The following BORCS5 variants were observed in gnomAD, a reference collection of about 807,000 sequenced individuals.
BORCS5 encodes the protein BLOC-1-related complex subunit 5.
Under a neutral mutation model 22.1 loss-of-function variants are expected in BORCS5, and 17 were observed. The ratio of observed to expected loss-of-function variants is 0.77; its 90% CI spans 0.53 to 1.15. The LOEUF (loss-of-function observed/expected upper bound fraction) is 1.15. BORCS5 is among the 50% of genes most tolerant of loss of function. BORCS5 has a pLI of 0.00. For missense variants in BORCS5, 247 were observed against 253.2 expected, an observed-to-expected ratio of 0.98 and a Z score of 0.17; for synonymous variants, 117 against 99.8, an observed-to-expected ratio of 1.17 and a Z score of -1.03.
chr12:12,453,774 T>G (rs879616732), intron 3 of BORCS5, among the ~76,000 whole-genome samples: 2 of 152,260 alleles, frequency 1.3e-5, no homozygotes, highest in Non-Finnish European at 2.9e-5. Context: ...CACCACTATG[T>G]AATTCCAGAA....
At chr12:12,400,986 A>C (rs887242384) in intron 2 of BORCS5, among the ~76,000 whole-genome samples, 3 of 152,130 alleles carry the variant, frequency 2.0e-5, no homozygotes, top group Non-Finnish European at 4.4e-5. Context: ...ATGTTGATAT[A>C]TGTCTCACTT....
At chr12:12,368,919 G>A (rs1447703889) in intron 2 of BORCS5, among the ~76,000 whole-genome samples, 8 of 152,128 alleles carry the variant, frequency 5.3e-5, no homozygotes, top group African/African-American at 1.7e-4. Context: ...AATGTGTTCT[G>A]TAGTTAATGG....
chr12:12,464,181 T>C lies in BORCS5; in HGVS notation c.361-1365T>C, dbSNP rs1943158777. Among the ~76,000 whole-genome samples, 3 of 149,468 alleles carry C rather than the reference T, an allele frequency of 2.0e-5. No homozygotes were observed. In the South Asian group the frequency reaches 6.3e-4, roughly 31 times the overall value. ...AAAGTGTGCATTGTTTCCACATTAT[T>C]TGGAGTTTCTCACTCCCATGTTTTT... On this transcript the variant is annotated intron_variant, in intron 3 of 3. Coordinates refer to ENST00000314565, the MANE Select transcript of BORCS5 (RefSeq NM_058169.6).
intron 3 of BORCS5, among the ~76,000 whole-genome samples, chr12:12,438,321 A>C (rs145786312): frequency 2.8e-5 from 4 of 144,272 alleles, no homozygotes; most frequent in African/African-American, 1.0e-4. Flanking sequence ...AGATCATGTC[A>C]CTGCACTCCA....
At chr12:12,443,312 G>A (rs1592132004) in intron 3 of BORCS5, among the ~76,000 whole-genome samples, 1 of 152,156 alleles carries the variant, frequency 6.6e-6, no homozygotes, top group East Asian at 1.9e-4. Flanking sequence ...GAAATCCTGA[G>A]GCAAGACATT....
chr12:12,455,990 T>A (rs566404022), intron 3 of BORCS5, among the ~76,000 whole-genome samples: 1 of 152,248 alleles, frequency 6.6e-6, no homozygotes, highest in African/African-American at 2.4e-5. Flanking sequence ...TTCATGCATA[T>A]CTACATCTTA....
intron 2 of BORCS5, among the ~76,000 whole-genome samples, chr12:12,403,038 T>G (rs1481677925): frequency 6.6e-6 from 1 of 152,182 alleles, no homozygotes; most frequent in Non-Finnish European, 1.5e-5. Context: ...CAGTCCCACT[T>G]TTTCGTTAAT....
intron 2 of BORCS5, among the ~76,000 whole-genome samples, chr12:12,426,566 C>A (rs551604449): frequency 6.6e-6 from 1 of 152,178 alleles, no homozygotes; most frequent in East Asian, 1.9e-4. Context: ...CAAATGGGTG[C>A]CTAACACAGA....
chr12:12,389,497 G>T (rs1863955744), intron 2 of BORCS5, among the ~76,000 whole-genome samples: 3 of 142,614 alleles, frequency 2.1e-5, no homozygotes, highest in Admixed American at 1.4e-4. Context: ...ACCTCTGCCA[G>T]TATCTTTTAA....
intron 3 of BORCS5, among the ~76,000 whole-genome samples, chr12:12,453,375 A>G (rs1051914528): frequency 6.6e-6 from 1 of 152,208 alleles, no homozygotes; most frequent in African/African-American, 2.4e-5. Context: ...GATCTTATGA[A>G]CACAGCTTTT....
chr12:12,463,360 G>A (rs1051299134), intron 3 of BORCS5, among the ~76,000 whole-genome samples: 6 of 152,308 alleles, frequency 3.9e-5, no homozygotes, highest in Admixed American at 1.3e-4. Context: ...AAAGAATGGG[G>A]GAAACATTTA....
intron 3 of BORCS5, among the ~76,000 whole-genome samples, chr12:12,438,374 A>AACAAAAAAC (rs1555156020): frequency 3.2e-5 from 4 of 125,046 alleles, no homozygotes; most frequent in Non-Finnish European, 6.3e-5. Context: ...AAAAAAAAAA[A>AACAAAAAAC]AAAAAACGAA....
chr12:12,404,773 A>T (rs1941556524), intron 2 of BORCS5, among the ~76,000 whole-genome samples: 1 of 152,146 alleles, frequency 6.6e-6, no homozygotes, highest in South Asian at 2.1e-4. Flanking sequence ...ATCTCAGCCC[A>T]CTGAAATCTC....
At chr12:12,440,109 C>T (rs554532877) in intron 3 of BORCS5, among the ~76,000 whole-genome samples, 2 of 152,138 alleles carry the variant, frequency 1.3e-5, no homozygotes, top group Non-Finnish European at 2.9e-5. Context: ...GATTACAGTA[C>T]CTGTGATCAC....
At chr12:12,425,490 A>C (rs991475806) in intron 2 of BORCS5, among the ~76,000 whole-genome samples, 1 of 152,208 alleles carries the variant, frequency 6.6e-6, no homozygotes, top group African/African-American at 2.4e-5. Flanking sequence ...AAGGATATGG[A>C]GAACATCCTT....
At position 12,382,741 on chromosome 12, in the gene BORCS5, C is replaced by T. The variant is rs886322198; in HGVS notation, c.202+21392C>T. 2.7e-5 allele frequency among the ~76,000 whole-genome samples: 4 copies of T among 150,934 alleles called. 1 individual carries two copies. The highest frequency in any genetic ancestry group is 1.9e-4 in the East Asian group (1 of 5,182). Reference sequence around the variant, plus strand: ...AGAGATAGGGTTTTGCCATGTTGGCCGGGCTGGTTTCGAACTCCTGACCTC... The same window carrying T: ...AGAGATAGGGTTTTGCCATGTTGGCTGGGCTGGTTTCGAACTCCTGACCTC... On this transcript the variant is annotated intron_variant, in intron 2 of 3. Transcript: ENST00000314565.
At chr12:12,396,385 C>T (rs575841115) in intron 2 of BORCS5, among the ~76,000 whole-genome samples, 2 of 152,208 alleles carry the variant, frequency 1.3e-5, no homozygotes, top group Admixed American at 6.5e-5. Context: ...GCCTAGCATC[C>T]GCACAATGCC....
At chr12:12,396,813 T>C (rs1448720952) in intron 2 of BORCS5, among the ~76,000 whole-genome samples, 1 of 152,220 alleles carries the variant, frequency 6.6e-6, no homozygotes, top group Non-Finnish European at 1.5e-5. Flanking sequence ...AAATAATGTT[T>C]TTAAATGAGC....
intron 2 of BORCS5, among the ~76,000 whole-genome samples, chr12:12,382,239 G>A (rs1458754994): frequency 6.6e-6 from 1 of 151,296 alleles, no homozygotes; most frequent in Non-Finnish European, 1.5e-5. Flanking sequence ...CAATCATGGA[G>A]GAAGGTGAAG....
Sources: allele counts gnomAD v4.1 joint callset (sites outside exome capture counted in the v4.1 genomes callset), GRCh38; gene constraint gnomAD v4.1.1; transcripts MANE v1.5; gene names NCBI Gene and HGNC (gene_info 2026-07-23, HGNC 2026-07-21).